ZFAND4: variants seen among roughly 807,000 people sequenced by gnomAD.
The protein encoded by ZFAND4 is AN1-type zinc finger protein 4.
In ZFAND4, 43 loss-of-function variants were observed where a neutral mutation model predicts 64.4. The observed-to-expected ratio is 0.67, with a 90% CI of 0.52 to 0.86. ZFAND4 has a LOEUF of 0.86. Among genes scored for constraint, ZFAND4 ranks in the 40% least tolerant of loss-of-function variants. The pLI, the probability that ZFAND4 is intolerant of heterozygous loss-of-function variation, is 0.00. For missense variants in ZFAND4, 929 were observed against 859.8 expected, an observed-to-expected ratio of 1.08 and a Z score of -1.01; for synonymous variants, 296 against 305.7, an observed-to-expected ratio of 0.97 and a Z score of 0.33.
chr10:45,624,926 C>T (rs144087143), intron 7 of ZFAND4, among the ~76,000 whole-genome samples: 2 of 151,760 alleles, frequency 1.3e-5, no homozygotes, highest in Non-Finnish European at 2.9e-5. Context: ...GAGCCTGGGA[C>T]GTCGTGGCTG....
At chr10:45,619,336 G>A (rs552824238) in intron 8 of ZFAND4, among the ~76,000 whole-genome samples, 6 of 151,950 alleles carry the variant, frequency 3.9e-5, no homozygotes, top group Non-Finnish European at 5.9e-5. Flanking sequence ...GAGCCACCAC[G>A]CCAGGCCAAA....
chr10:45,616,291 C>T lies in ZFAND4; in HGVS notation c.*145G>A. 3 of 1,063,292 alleles carry T rather than the reference C, an allele frequency of 2.8e-6. No individual in the cohort carries two copies. Among genetic ancestry groups the T allele is most frequent in the Admixed American group, 3.1e-5 (1 of 32,590 alleles). 65.9% of individuals were successfully genotyped at this position (1,063,292 alleles called of 1,614,324 possible). On this transcript the variant is annotated 3_prime_UTR_variant, in exon 10 of 10. Transcript: ENST00000344646. ...GAAATAAAGATGTAAAATACAGTAGCATTCTTGTTCTCCAACAGTATGCAT... is the reference window on the plus strand; with the variant it reads ...GAAATAAAGATGTAAAATACAGTAGTATTCTTGTTCTCCAACAGTATGCAT...
intron 1 of ZFAND4, among the ~76,000 whole-genome samples, chr10:45,664,917 C>G (rs995545902): frequency 6.6e-6 from 1 of 151,764 alleles, no homozygotes; most frequent in Non-Finnish European, 1.5e-5. Flanking sequence ...GGCAACAGAG[C>G]AAGACTCTGG....
At chr10:45,653,182 G>C in intron 2 of ZFAND4, 123 bp from the exon 3 acceptor site, 2 of 694,778 alleles carry the variant, frequency 2.9e-6, no homozygotes, top group Non-Finnish European at 4.7e-6. Context: ...CTTCTAAATT[G>C]AATGCTAGGT....
intron 6 of ZFAND4, among the ~76,000 whole-genome samples, chr10:45,638,053 G>A (rs1311953389): frequency 3.3e-5 from 5 of 152,030 alleles, no homozygotes. Context: ...CCTCATTAGA[G>A]AAATATAAAA....
chr10:45,632,506 A>C (rs79000824), intron 6 of ZFAND4, among the ~76,000 whole-genome samples: 4,443 of 152,322 alleles, frequency 0.029, 79 homozygotes, highest in East Asian at 0.053. Context: ...AGAAGAGAAA[A>C]AAATAAGTTC....
At chr10:45,641,993 AC>A (rs1358767540) in intron 5 of ZFAND4, among the ~76,000 whole-genome samples, 1 of 152,146 alleles carries the variant, frequency 6.6e-6, no homozygotes, top group Non-Finnish European at 1.5e-5. Context: ...ATGCTTGTGC[AC>A]CCAGATGAGT....
At chr10:45,661,398 C>T (rs1294282435) in intron 2 of ZFAND4, among the ~76,000 whole-genome samples, 1 of 152,112 alleles carries the variant, frequency 6.6e-6, no homozygotes, top group Non-Finnish European at 1.5e-5. Flanking sequence ...CTCCTTCAGT[C>T]CTTTCTCCAC....
chr10:45,622,044 A>C (rs1480207257), intron 8 of ZFAND4, among the ~76,000 whole-genome samples: 1 of 152,216 alleles, frequency 6.6e-6, no homozygotes, highest in Non-Finnish European at 1.5e-5. Flanking sequence ...CAAGAAGATC[A>C]GTTGTGCGTT....
rs1433601747 is a variant in ZFAND4 at position 45,615,522 on chromosome 10, TTTAA to T, written c.*910_*913del. The T allele has an allele frequency of 6.6e-6, 1 of 152,038 alleles. No individual in the cohort carries two copies. The highest frequency in any genetic ancestry group is 1.5e-5 in the Non-Finnish European group (1 of 68,014). 9.4% of individuals were successfully genotyped at this position (152,038 alleles called of 1,614,324 possible). A position where few individuals can be genotyped will look rare whatever the true frequency, so the allele number is the denominator to read the frequency against. ...TTATCCACGTAAAATAAATCACTCA[TTTAA>T]TTAAATAGTTTTATAAAAGAAAAAT... On this transcript the variant is annotated 3_prime_UTR_variant, in exon 10 of 10. Coordinates refer to ENST00000344646, the MANE Select transcript of ZFAND4 (RefSeq NM_174890.4).
chr10:45,656,129 G>A (rs1474217213), intron 2 of ZFAND4, among the ~76,000 whole-genome samples: 1 of 152,186 alleles, frequency 6.6e-6, no homozygotes, highest in Non-Finnish European at 1.5e-5. Context: ...TACTTGGGAG[G>A]CTGAGGCAGG....
intron 6 of ZFAND4, among the ~76,000 whole-genome samples, chr10:45,635,214 C>CAAAAAAAAAAAAAAAAAAAAAAAAAAAA (rs76130878): frequency 4.4e-4 from 30 of 68,238 alleles, no homozygotes; most frequent in African/African-American, 7.9e-4. Flanking sequence ...AAAAAAAAAA[C>CAAAAAAAAAAAAAAAAAAAAAAAAAAAA]AAAAAAAAAA....
rs2049276434 is a variant in ZFAND4 at position 45,672,596 on chromosome 10, G to C, written c.-464C>G. 6.6e-6 allele frequency: 1 copy of C among 152,002 alleles called. No individual in the cohort carries two copies. Among genetic ancestry groups the C allele is most frequent in the South Asian group, 2.1e-4 (1 of 4,836 alleles). 9.4% of individuals were successfully genotyped at this position (152,002 alleles called of 1,614,324 possible). A position where few individuals can be genotyped will look rare whatever the true frequency, so the allele number is the denominator to read the frequency against. On this transcript the variant is annotated 5_prime_UTR_variant, in exon 1 of 10. Transcript: ENST00000344646. ...CCTTGCGCCATTCCGGCCCCACGAC[G>C]GCCGGCGGCGGCAGCGCGGCTGGGC... is the stretch of plus-strand genomic sequence containing the variant.
At chr10:45,628,307 A>G (rs759639529) in intron 6 of ZFAND4, among the ~76,000 whole-genome samples, 3 of 152,194 alleles carry the variant, frequency 2.0e-5, no homozygotes, top group Admixed American at 6.5e-5. Context: ...GAAACCTTGG[A>G]AAGATGAGCT....
intron 6 of ZFAND4, among the ~76,000 whole-genome samples, chr10:45,635,003 T>C (rs895306271): frequency 2.0e-5 from 3 of 151,234 alleles, no homozygotes; most frequent in African/African-American, 7.3e-5. Flanking sequence ...GACACAAAAA[T>C]ATGAAAAAAT....
chr10:45,648,234 A>G, intron 5 of ZFAND4, 60 bp downstream of exon 5: 1 of 1,455,608 alleles, frequency 6.9e-7, no homozygotes, highest in Non-Finnish European at 9.1e-7. Flanking sequence ...GATGCATGAC[A>G]TTTGTTAATA....
chr10:45,637,575 C>A (rs148742727), intron 6 of ZFAND4, among the ~76,000 whole-genome samples: 2 of 152,066 alleles, frequency 1.3e-5, no homozygotes, highest in East Asian at 3.9e-4. Flanking sequence ...CAAGGTGAAA[C>A]CCCGTCTCTA....
chr10:45,616,950 G>C (rs1157947823), intron 9 of ZFAND4, among the ~76,000 whole-genome samples: 2 of 151,842 alleles, frequency 1.3e-5, no homozygotes, highest in Non-Finnish European at 2.9e-5. Context: ...GTGGTGGCGT[G>C]CATCTATAGT....
At chr10:45,662,341 T>C (rs1322405254) in intron 2 of ZFAND4, among the ~76,000 whole-genome samples, 6 of 152,216 alleles carry the variant, frequency 3.9e-5, no homozygotes, top group Admixed American at 3.9e-4. Flanking sequence ...GGATGAGTTA[T>C]TAATCTCCTC....
Sources: allele counts gnomAD v4.1 joint callset (sites outside exome capture counted in the v4.1 genomes callset), GRCh38; gene constraint gnomAD v4.1.1; transcripts MANE v1.5; gene names NCBI Gene and HGNC (gene_info 2026-07-23, HGNC 2026-07-21).